Variants in SOX5 observed in about 807,000 individuals in gnomAD.
The protein encoded by SOX5 is SRY-box transcription factor 5.
In SOX5, 9 loss-of-function variants were observed where a neutral mutation model predicts 92.0. The observed-to-expected ratio is 0.10, with a 90% CI of 0.06 to 0.17. The LOEUF is 0.17. SOX5 is among the 10% of genes least tolerant of loss of function. The probability of loss-of-function intolerance (pLI) is 1.00; values close to 1 mark genes in which losing one functional copy is unlikely to be tolerated. For synonymous variants in SOX5, 344 were observed against 336.3 expected, an observed-to-expected ratio of 1.02 and a Z score of -0.25; for missense variants, 642 against 944.5, an observed-to-expected ratio of 0.68 and a Z score of 4.20.
intron 3 of SOX5, among the ~76,000 whole-genome samples, chr12:23,797,451 T>C (rs866592779): frequency 2.0e-5 from 3 of 151,980 alleles, no homozygotes; most frequent in South Asian, 4.2e-4. Context: ...AGTTTTTGGC[T>C]ATAAATAATC....
At chr12:24,131,788 A>C (rs1949669571) in intron 4 of SOX5, among the ~76,000 whole-genome samples, 1 of 152,174 alleles carries the variant, frequency 6.6e-6, no homozygotes, top group Non-Finnish European at 1.5e-5. Flanking sequence ...GAGAGGGAGA[A>C]AAGAGGGGTA....
chr12:23,836,592 C>G (rs903220838), intron 3 of SOX5, among the ~76,000 whole-genome samples: 1 of 151,890 alleles, frequency 6.6e-6, no homozygotes, highest in African/African-American at 2.4e-5. Context: ...GTGCACTATT[C>G]TTTTCTAACT....
At chr12:24,546,492 G>A (rs909014561) in intron 1 of SOX5, among the ~76,000 whole-genome samples, 3 of 152,050 alleles carry the variant, frequency 2.0e-5, no homozygotes, top group Non-Finnish European at 4.4e-5. Flanking sequence ...TGTACTCTAC[G>A]CTCTACCTAT....
intron 2 of SOX5, among the ~76,000 whole-genome samples, chr12:23,865,094 C>A (rs1049999322): frequency 6.6e-6 from 1 of 152,168 alleles, no homozygotes; most frequent in Non-Finnish European, 1.5e-5. Context: ...AAGAATTATG[C>A]TAAATCGGCT....
At chr12:23,799,885 A>C (rs1171549174) in intron 3 of SOX5, among the ~76,000 whole-genome samples, 1 of 152,074 alleles carries the variant, frequency 6.6e-6, no homozygotes, top group Non-Finnish European at 1.5e-5. Context: ...ATTTAGAGTT[A>C]GACATAATGC....
chr12:24,218,810 C>T (rs1959687413), intron 3 of SOX5, among the ~76,000 whole-genome samples: 2 of 151,944 alleles, frequency 1.3e-5, no homozygotes, highest in African/African-American at 4.8e-5. Context: ...ACATTAATGG[C>T]ATACCATGGC....
At chr12:24,095,688 C>T (rs977313087) in intron 4 of SOX5, among the ~76,000 whole-genome samples, 11 of 152,088 alleles carry the variant, frequency 7.2e-5, no homozygotes, top group Non-Finnish European at 7.4e-5. Context: ...AGAATCCCCG[C>T]GTGTCAAAGG....
At chr12:24,339,338 G>T (rs1952309065) in intron 2 of SOX5, among the ~76,000 whole-genome samples, 1 of 152,180 alleles carries the variant, frequency 6.6e-6, no homozygotes, top group South Asian at 2.1e-4. Context: ...GCATGAGTAT[G>T]ATGGGATAAG....
Position 23,790,492 on chromosome 12 carries a change from G to A in SOX5, c.482-34768C>T, listed in dbSNP as rs551952354. Among the ~76,000 whole-genome samples the A allele has an allele frequency of 2.1e-4, 31 of 150,232 alleles. No individual in the cohort carries two copies. The South Asian group carries it at 2.3e-3, about 11-fold the overall frequency. On this transcript the variant is annotated intron_variant, in intron 3 of 14. Transcript: ENST00000451604. The stretch of plus-strand genomic sequence containing the variant: ...CAACCTCATTGTCCCTTCTTGCAGC[G>A]CCTGCCCTCCCTGGTACCTCTCACA...
At chr12:24,252,079 A>T (rs1940190252) in intron 3 of SOX5, among the ~76,000 whole-genome samples, 1 of 152,170 alleles carries the variant, frequency 6.6e-6, no homozygotes, top group Non-Finnish European at 1.5e-5. Context: ...CAAATGAACA[A>T]ATCTCAACAG....
At chr12:24,467,772 G>A (rs1413810877) in intron 1 of SOX5, among the ~76,000 whole-genome samples, 1 of 152,118 alleles carries the variant, frequency 6.6e-6, no homozygotes, top group African/African-American at 2.4e-5. Flanking sequence ...TTTGTCCTGG[G>A]GGGTGGATAA....
At chr12:24,011,245 C>T (rs1478213188) in intron 4 of SOX5, among the ~76,000 whole-genome samples, 3 of 152,074 alleles carry the variant, frequency 2.0e-5, no homozygotes, top group Non-Finnish European at 4.4e-5. Flanking sequence ...TGTTCCTTGT[C>T]TTACAAATAA....
At chr12:23,704,250 C>T (rs2091064223) in intron 6 of SOX5, among the ~76,000 whole-genome samples, 1 of 151,766 alleles carries the variant, frequency 6.6e-6, no homozygotes, top group African/African-American at 2.4e-5. Flanking sequence ...TCTATGCTCA[C>T]AAGTTCTTTA....
upstream of SOX5, chr12:23,951,173 T>C: frequency 2.5e-6 from 1 of 407,114 alleles, no homozygotes; most frequent in South Asian, 4.0e-5. Flanking sequence ...GGAAATTCCC[T>C]TCAAAGCCGA....
At chr12:24,144,544 A>G (rs1352335895) in intron 4 of SOX5, among the ~76,000 whole-genome samples, 1 of 152,214 alleles carries the variant, frequency 6.6e-6, no homozygotes, top group East Asian at 1.9e-4. Context: ...AGCAGCTCAC[A>G]TCTCTAAACC....
At chr12:24,146,612 CAAAG>C (rs1951110761) in intron 4 of SOX5, among the ~76,000 whole-genome samples, 1 of 146,110 alleles carries the variant, frequency 6.8e-6, no homozygotes, top group Non-Finnish European at 1.5e-5. Context: ...GCAGAAGAAA[CAAAG>C]AAAAGTAAAT....
chr12:23,773,614 C>T (rs2095006571), intron 3 of SOX5, among the ~76,000 whole-genome samples: 1 of 152,080 alleles, frequency 6.6e-6, no homozygotes. Context: ...TCAAGTGATC[C>T]GCCCGCCTCA....
rs11285782 is a variant in SOX5, at chr12:24,092,310, ATT to A, written c.-2+121031_-2+121032del. On this transcript the variant is annotated intron_variant, in intron 4 of 4. Transcript: ENST00000446891. Reference sequence around the variant, plus strand: ...CAGGCTTAGGGTACAATGCTGCGGAATTTTTTTTTTTCCAGTTCTTAATCTAC... The same window carrying A: ...CAGGCTTAGGGTACAATGCTGCGGAATTTTTTTTTCCAGTTCTTAATCTAC... 1.1e-4 allele frequency among the ~76,000 whole-genome samples: 16 copies of A among 150,246 alleles called. 1 individual carries two copies. Among genetic ancestry groups the A allele is most frequent in the Admixed American group, 9.3e-4 (14 of 15,068 alleles).
chr12:24,190,363 A>T (rs1045513196), intron 4 of SOX5, among the ~76,000 whole-genome samples: 3 of 152,240 alleles, frequency 2.0e-5, no homozygotes, highest in Non-Finnish European at 2.9e-5. Context: ...TTATCAAGGT[A>T]AAGGAGATAT....
Sources: allele counts gnomAD v4.1 joint callset (sites outside exome capture counted in the v4.1 genomes callset), GRCh38; gene constraint gnomAD v4.1.1; transcripts MANE v1.5; gene names NCBI Gene and HGNC (gene_info 2026-07-23, HGNC 2026-07-21).